HELZ: variants seen among roughly 807,000 people sequenced by gnomAD.
HELZ encodes the protein ATP-dependent RNA helicase with zinc finger domain.
HELZ carries 23 observed loss-of-function variants against 218.2 expected under a neutral mutation model. That is an observed-to-expected ratio of 0.11 (90% CI 0.08 to 0.15). The LOEUF (loss-of-function observed/expected upper bound fraction) is 0.15. Among genes scored for constraint, HELZ ranks in the 10% least tolerant of loss-of-function variants. The pLI is 1.00. For synonymous variants in HELZ, 814 were observed against 829.4 expected, an observed-to-expected ratio of 0.98 and a Z score of 0.32; for missense variants, 1,813 against 2,353.7, an observed-to-expected ratio of 0.77 and a Z score of 4.75.
rs553521182 is a variant in HELZ, at chr17:67,146,939, G to A, written c.2622-1049C>T. 4.6e-5 allele frequency among the ~76,000 whole-genome samples: 7 copies of A among 152,278 alleles called. No individual in the cohort carries two copies. The East Asian group carries it at 7.7e-4, about 17-fold the overall frequency. On this transcript the variant is annotated intron_variant, in intron 20 of 32. Coordinates refer to ENST00000358691, the MANE Select transcript of HELZ (RefSeq NM_014877.4). ...TGTGGATTAGGGTTACATGCTGCAC[G>A]CAGGTGGTGACAATCCACTGAGTTG...
In HELZ at chr17:67,203,425, GCCAGTCCTTCTC is replaced by G; in HGVS notation, c.254_265del (p.Gly85_Leu88del). ...TGCCCGAAAGGCATCTTCTCCCTTG[GCCAGTCCTTCTC>G]CCAGCACTGCCATGAAAGAACAGCC... is the stretch of plus-strand genomic sequence containing the variant. On this transcript the variant is annotated inframe_deletion, in exon 6 of 33. Coordinates refer to ENST00000358691, the MANE Select transcript of HELZ (RefSeq NM_014877.4). 2 of 1,613,992 alleles carry G rather than the reference GCCAGTCCTTCTC, an allele frequency of 1.2e-6. No individual in the cohort carries two copies. The highest frequency in any genetic ancestry group is 1.7e-6 in the Non-Finnish European group (2 of 1,179,936).
In HELZ at chr17:67,133,920, T is replaced by C. The variant is rs529612731; in HGVS notation, c.3182+2050A>G. On this transcript the variant is annotated intron_variant, in intron 23 of 32. Coordinates refer to ENST00000358691, the MANE Select transcript of HELZ (RefSeq NM_014877.4). ...ATCAAATTGTATGTGCTGTCTCACT[T>C]ATCAAATAATAAATACAAGCAAAAG... Among the ~76,000 whole-genome samples the C allele has an allele frequency of 3.9e-5, 6 of 152,330 alleles. No individual in the cohort carries two copies. The South Asian group carries it at 1.0e-3, about 26-fold the overall frequency.
intron 31 of HELZ, among the ~76,000 whole-genome samples, chr17:67,094,810 T>C (rs1384697875): frequency 1.3e-5 from 2 of 152,180 alleles, no homozygotes; most frequent in Non-Finnish European, 1.5e-5. Context: ...AAGACATTTT[T>C]TAAAATGTAT....
At chr17:67,105,517 C>G (rs1325354472) in intron 31 of HELZ, among the ~76,000 whole-genome samples, 1 of 152,114 alleles carries the variant, frequency 6.6e-6, no homozygotes. Flanking sequence ...ATGAAATGTT[C>G]TGGAATTAGA....
intron 7 of HELZ, among the ~76,000 whole-genome samples, chr17:67,195,681 C>G (rs1389554216): frequency 6.6e-6 from 1 of 151,940 alleles, no homozygotes; most frequent in African/African-American, 2.4e-5. Context: ...ATTAAGGAAG[C>G]TGATAGAGGC....
chr17:67,132,720 G>T (rs2038026182), intron 23 of HELZ, among the ~76,000 whole-genome samples: 1 of 152,132 alleles, frequency 6.6e-6, no homozygotes, highest in Non-Finnish European at 1.5e-5. Context: ...GAGAGAGGGG[G>T]AGGATCTTCA....
chr17:67,160,133 G>C (rs1381781409), intron 17 of HELZ, 128 bp downstream of exon 17: 11 of 622,770 alleles, frequency 1.8e-5, no homozygotes, highest in Non-Finnish European at 2.3e-5. Context: ...TTCTTCAAAA[G>C]ACATAACCTC....
At chr17:67,179,796 TAACATAATTGGAAA>T (rs2039558121) in intron 12 of HELZ, 1 of 152,072 alleles carries the variant, frequency 6.6e-6, no homozygotes, top group Admixed American at 6.5e-5. Context: ...GACTTTGACA[TAACATAATTGGAAA>T]AACGGTTTCA....
chr17:67,089,694 GAGAGAGAC>G (rs60975443), intron 31 of HELZ, among the ~76,000 whole-genome samples: 2 of 100,696 alleles, frequency 2.0e-5, no homozygotes, highest in Non-Finnish European at 3.8e-5. Context: ...GAGAGAGAGA[GAGAGAGAC>G]AGAGAGACAG....
intron 31 of HELZ, among the ~76,000 whole-genome samples, chr17:67,104,157 G>T (rs960952354): frequency 6.6e-6 from 1 of 152,132 alleles, no homozygotes; most frequent in Non-Finnish European, 1.5e-5. Flanking sequence ...AAAAGGGGCC[G>T]GGTGCGGTGG....
In HELZ at chr17:67,077,546, T is replaced by G. The variant is rs775999776; in HGVS notation, c.*706A>C. The G allele has an allele frequency of 6.6e-5, 10 of 152,112 alleles. No homozygotes were observed. Among genetic ancestry groups the G allele is most frequent in the Non-Finnish European group, 1.3e-4 (9 of 67,908 alleles). The allele number at this position is 152,112 out of a possible 1,614,324, so 9.4% of individuals were successfully genotyped here. ...AAAAACAAGCTTGAAGTGTAGCTTG[T>G]CCAAAAAATAACTAAGTATGCCAAC... On this transcript the variant is annotated 3_prime_UTR_variant, in exon 33 of 33. Transcript: ENST00000358691.
At chr17:67,091,699 C>T (rs372039209) in intron 31 of HELZ, among the ~76,000 whole-genome samples, 1 of 152,080 alleles carries the variant, frequency 6.6e-6, no homozygotes, top group African/African-American at 2.4e-5. Context: ...TACATACTGC[C>T]TGGTAATTTT....
At chr17:67,165,328 T>C (rs1441545480) in intron 15 of HELZ, among the ~76,000 whole-genome samples, 1 of 152,110 alleles carries the variant, frequency 6.6e-6, no homozygotes, top group Non-Finnish European at 1.5e-5. Flanking sequence ...AGAAATGGAA[T>C]GTGAGGGGAA....
chr17:67,196,570 T>TTGGA (rs200704348), intron 7 of HELZ, among the ~76,000 whole-genome samples: 1,701 of 127,938 alleles, frequency 0.013, 22 homozygotes, highest in African/African-American at 0.044. Context: ...GGTTGGTTAG[T>TTGGA]TGGATGGATG....
intron 14 of HELZ, among the ~76,000 whole-genome samples, chr17:67,167,231 A>G (rs1012062865): frequency 5.3e-5 from 8 of 152,212 alleles, no homozygotes; most frequent in Non-Finnish European, 1.0e-4. Flanking sequence ...TTAAAACTCT[A>G]ATCAGAAAGC....
In HELZ at chr17:67,125,341, T is replaced by C. The variant is rs186332435; in HGVS notation, c.3388-1327A>G. On this transcript the variant is annotated intron_variant, in intron 24 of 32. Transcript: ENST00000358691. ...ATATATATATATATATATATATATA[T>C]ATATACTTGTGAGGAATAGAGACGT... Among the ~76,000 whole-genome samples the C allele has an allele frequency of 7.0e-3, 473 of 67,290 alleles. 31 individuals are homozygous for C. Among genetic ancestry groups the C allele is most frequent in the African/African-American group, 0.027 (430 of 16,224 alleles). The allele number at this position is 67,290 out of a possible 152,430, so 44.1% of individuals were successfully genotyped here.
At position 67,128,854 on chromosome 17, in the gene HELZ, T is replaced by C. The variant is rs2037886094; in HGVS notation, c.3184A>G (p.Lys1062Glu). 6.2e-7 allele frequency: 1 copy of C among 1,611,404 alleles called. No individual in the cohort carries two copies. Among genetic ancestry groups the C allele is most frequent in the African/African-American group, 1.3e-5 (1 of 74,822 alleles). ...AGGGCAATAAACCGTTCCCAAAATT[T>C]CCTACAGAAAAGATTTACAAGATCA... ...IALCSIGRCR[K>E]FWERFIALCH... Residue 1062 changes from lysine (K) to glutamate (E), a missense_variant and splice_region_variant, in exon 24 of 33, where the codon AAA becomes GAA. Physicochemically the swap from Lys to Glu is moderately conservative, Grantham distance 56. Transcript: ENST00000358691.
intron 1 of HELZ, among the ~76,000 whole-genome samples, chr17:67,244,323 C>T (rs1343293821): frequency 6.6e-6 from 1 of 152,104 alleles, no homozygotes; most frequent in Non-Finnish European, 1.5e-5. Context: ...GAACTGCAAA[C>T]AAAACCTGAG....
intron 28 of HELZ, among the ~76,000 whole-genome samples, chr17:67,111,932 G>C (rs1027974990): frequency 6.6e-6 from 1 of 152,170 alleles, no homozygotes; most frequent in Non-Finnish European, 1.5e-5. Flanking sequence ...GTCATAATCA[G>C]GTGTCAAGGT....
Sources: allele counts gnomAD v4.1 joint callset (sites outside exome capture counted in the v4.1 genomes callset), GRCh38; gene constraint gnomAD v4.1.1; transcripts MANE v1.5; gene names NCBI Gene and HGNC (gene_info 2026-07-23, HGNC 2026-07-21).